Variants in ASPM observed in about 807,000 individuals in gnomAD.
ASPM encodes assembly factor for spindle microtubules.
Under a neutral mutation model 366.4 loss-of-function variants are expected in ASPM, and 256 were observed. The observed-to-expected ratio is 0.70, with a 90% CI of 0.63 to 0.77. The LOEUF (loss-of-function observed/expected upper bound fraction) is 0.77, where lower values mean the gene tolerates loss of function less well. ASPM is among the 30% of genes least tolerant of loss of function. The probability of loss-of-function intolerance (pLI) is 0.00; values close to 1 mark genes in which losing one functional copy is unlikely to be tolerated. For missense variants in ASPM, 4,146 were observed against 4,090.4 expected (o/e 1.01, Z -0.37); for synonymous variants, 1,414 against 1,342.9 (o/e 1.05, Z -1.16).
At position 197,103,436 on chromosome 1, in the gene ASPM, T is replaced by G. The variant is rs1029566211; in HGVS notation, c.5815A>C (p.Lys1939Gln). ...QNFRAWTAGR[K>Q]QCMEYIELRH... ...AGTTCAATATACTCCATACATTGCTTCCTTCCTGCAGTCCATGCTCTGAAA... is the reference window on the plus strand; with the variant it reads ...AGTTCAATATACTCCATACATTGCTGCCTTCCTGCAGTCCATGCTCTGAAA... Residue 1939 changes from lysine to glutamine, a missense_variant, in exon 18 of 28, where the codon AAG becomes CAG. Transcript: ENST00000367409. The G allele has an allele frequency of 1.9e-6, 3 of 1,613,234 alleles. No homozygotes were observed. Among genetic ancestry groups the G allele is most frequent in the Non-Finnish European group, 2.5e-6 (3 of 1,179,552 alleles).
chr1:197,140,651 A>G (rs1658552222), intron 3 of ASPM, among the ~76,000 whole-genome samples: 1 of 152,238 alleles, frequency 6.6e-6, no homozygotes, highest in African/African-American at 2.4e-5. Context: ...ACTTTGAAGC[A>G]CCTTCTATGC....
In ASPM at chr1:197,101,049, GT is replaced by G. The variant is rs1558328287; in HGVS notation, c.8201del (p.Asn2734ThrfsTer3). ...LYVRVKTERK[N>X]FLAVQKSVRT... Reference sequence around the variant, plus strand: ...GTACAGATTTCTGAACTGCTAAAAAGTTTTTTCTTTCTGTTTTTACTCTAAC... The same window carrying G: ...GTACAGATTTCTGAACTGCTAAAAAGTTTTTCTTTCTGTTTTTACTCTAAC... On this transcript the variant is annotated frameshift_variant, in exon 18 of 28. Coordinates refer to ENST00000367409, the MANE Select transcript of ASPM (RefSeq NM_018136.5). LOFTEE classifies it high-confidence loss of function. 4 of 1,611,472 alleles carry G rather than the reference GT, an allele frequency of 2.5e-6. No individual in the cohort carries two copies. Among genetic ancestry groups the G allele is most frequent in the Non-Finnish European group, 3.4e-6 (4 of 1,178,822 alleles).
At chr1:197,105,549 G>C (rs891297731) in intron 17 of ASPM, among the ~76,000 whole-genome samples, 1 of 151,508 alleles carries the variant, frequency 6.6e-6, no homozygotes, top group Non-Finnish European at 1.5e-5. Flanking sequence ...TTTATTTCTG[G>C]GCCTTATATG....
At chr1:197,105,271 T>G in intron 17 of ASPM, 86 bp from the exon 18 acceptor site, 2 of 1,049,958 alleles carry the variant, frequency 1.9e-6, no homozygotes, top group Non-Finnish European at 2.9e-6. Context: ...TTTCTAACAT[T>G]CTGCTTAAAA....
At chr1:197,092,574 A>G (rs1558323833) in intron 21 of ASPM, among the ~76,000 whole-genome samples, 2 of 151,938 alleles carry the variant, frequency 1.3e-5, no homozygotes. Flanking sequence ...TTTAACTTCA[A>G]ATCAAATTGT....
rs876660961 is a variant in ASPM at position 197,092,013 on chromosome 1, GC to G, written c.9337del (p.Ala3113GlnfsTer7). On this transcript the variant is annotated frameshift_variant, in exon 22 of 28. Transcript: ENST00000367409. LOFTEE classifies it high-confidence loss of function. ...AGCATTCAGGTGATAATATGCAGCT[GC>G]AGTGAAGTGAAGAAGTCGAATTTTG... ...RAKIRLLHFT[A>X]AAYYHLNAVR... is the part of the protein sequence containing the mutation. 6.2e-7 allele frequency: 1 copy of G among 1,612,098 alleles called. No homozygotes were observed. The highest frequency in any genetic ancestry group is 1.7e-5 in the Admixed American group (1 of 59,888).
rs1205739147 is a variant in ASPM, at chr1:197,104,694, C to T, written c.4557G>A (p.Lys1519=). 1 of 1,612,906 alleles carries T rather than the reference C, an allele frequency of 6.2e-7. No homozygotes were observed. The highest frequency in any genetic ancestry group is 1.3e-5 in the African/African-American group (1 of 74,936). ...TTCCTTTCAGATATGCTTTGTAGTA[C>T]TTCTGGATGGTTAGTATGGACTCTT... ...RRKESILTIQ[K]YYKAYLKGKI... Residue 1519 remains lysine, a synonymous_variant, in exon 18 of 28, where the codon AAG becomes AAA. Transcript: ENST00000367409.
At chr1:197,086,717 T>C in intron 27 of ASPM, 86 bp downstream of exon 27, 1 of 1,172,064 alleles carries the variant, frequency 8.5e-7, no homozygotes, top group Non-Finnish European at 1.3e-6. Context: ...AAAGCACATC[T>C]TGTTTATGGT....
intron 4 of ASPM, among the ~76,000 whole-genome samples, chr1:197,136,600 T>C (rs1281548168): frequency 6.6e-6 from 1 of 152,056 alleles, no homozygotes; most frequent in Admixed American, 6.5e-5. Context: ...TATATGTAAT[T>C]TTCATAGTAA....
Position 197,122,516 on chromosome 1 carries a change from G to A in ASPM, c.3470C>T (p.Pro1157Leu). ...AGTACGCTGACATATAGCGTCAAAT[G>A]GCACATAGCAAGGATGGTAATGGTG... ...LIHHYHPCYV[P>L]FDAICQRTTQ... Residue 1157 changes from proline (P) to leucine (L), a missense_variant, in exon 14 of 28, where the codon CCA becomes CTA. Around this residue, in one of 3 missense-constraint regions of ASPM, gnomAD observed 3,624 missense variants for 3,591.7 expected, o/e 1.01. Coordinates refer to ENST00000367409, the MANE Select transcript of ASPM (RefSeq NM_018136.5). 6.2e-7 allele frequency: 1 copy of A among 1,613,544 alleles called. No individual in the cohort carries two copies.
chr1:197,123,356 G>A (rs1295663946), intron 13 of ASPM, among the ~76,000 whole-genome samples: 1 of 152,092 alleles, frequency 6.6e-6, no homozygotes, highest in Non-Finnish European at 1.5e-5. Flanking sequence ...GAGGGCCCAG[G>A]CATTCACACA....
rs1656508564 is a variant in ASPM, at chr1:197,084,203, T to A, written c.*121A>T. 5 of 714,072 alleles carry A rather than the reference T, an allele frequency of 7.0e-6. No homozygotes were observed. Among genetic ancestry groups the A allele is most frequent in the Non-Finnish European group, 1.2e-5 (5 of 410,204 alleles). 44.2% of individuals were successfully genotyped at this position (714,072 alleles called of 1,614,324 possible). A position where few individuals can be genotyped will look rare whatever the true frequency, so the allele number is the denominator to read the frequency against. On this transcript the variant is annotated 3_prime_UTR_variant, in exon 28 of 28. Transcript: ENST00000367409. Reference sequence around the variant, plus strand: ...AATGAAGAATGTAATGAACAGTTTATGTTTTTTTAAAACAAAGTCAGATTT... The same window carrying A: ...AATGAAGAATGTAATGAACAGTTTAAGTTTTTTTAAAACAAAGTCAGATTT...
chr1:197,113,268 A>G (rs913902181), intron 17 of ASPM, among the ~76,000 whole-genome samples: 1 of 152,176 alleles, frequency 6.6e-6, no homozygotes, highest in Non-Finnish European at 1.5e-5. Flanking sequence ...ACTATGCTCA[A>G]TACCTGGGTG....
Position 197,129,931 on chromosome 1 carries a change from A to T in ASPM, c.2613T>A (p.Pro871=), listed in dbSNP as rs750200648. Residue 871 remains proline, a synonymous_variant, in exon 8 of 28, where the codon CCT becomes CCA. Coordinates refer to ENST00000367409, the MANE Select transcript of ASPM (RefSeq NM_018136.5). The part of the protein sequence containing the change: ...IAAEYRHPTV[P]HLYRDGHEEA... Reference sequence around the variant, plus strand: ...GATACTTACCATCTCTATACAGGTGAGGAACAGTGGGGTGTCTATACTCAG... The same window carrying T: ...GATACTTACCATCTCTATACAGGTGTGGAACAGTGGGGTGTCTATACTCAG... The T allele has an allele frequency of 5.0e-6, 8 of 1,613,894 alleles. 1 individual carries two copies. In the East Asian group the frequency reaches 1.1e-4, roughly 22 times the overall value.
chr1:197,102,064 C>G lies in ASPM; in HGVS notation c.7187G>C (p.Arg2396Thr). ...CAAATGTCTTCTAGTTTTCATACCC[C>G]TGAATGCAGCCTGAAGGATCACAGC... ...HSAVILQAAFRGMKTRRHLKS... is the reference protein window; with the variant it reads ...HSAVILQAAFTGMKTRRHLKS... Residue 2396 changes from arginine (R) to threonine (T), a missense_variant, in exon 18 of 28, where the codon AGG (arginine) becomes ACG (threonine). Arg to Thr is a moderately conservative substitution (Grantham distance 71). Transcript: ENST00000367409. 6.2e-7 allele frequency: 1 copy of G among 1,612,954 alleles called. No homozygotes were observed. Among genetic ancestry groups the G allele is most frequent in the Non-Finnish European group, 8.5e-7 (1 of 1,179,308 alleles).
chr1:197,128,560 T>C lies in ASPM; in HGVS notation c.2866A>G (p.Thr956Ala), dbSNP rs746109026. 1.2e-6 allele frequency: 2 copies of C among 1,613,840 alleles called. No homozygotes were observed. Among genetic ancestry groups the C allele is most frequent in the South Asian group, 2.2e-5 (2 of 91,074 alleles). The change falls in exon 10 of 28, where the codon ACA becomes GCA. Residue 956 changes from threonine (T) to alanine (A), a missense_variant. Transcript: ENST00000367409. ...LLGLPVNHVQ[T>A]PFDEFDFAVT... is the part of the protein sequence containing the mutation. ...GCAAAATCAAATTCATCAAATGGTG[T>C]CTGAACATGGTTAACAGGTAATCCC... is the stretch of plus-strand genomic sequence containing the variant.
At chr1:197,113,497 A>T (rs1233981409) in intron 17 of ASPM, among the ~76,000 whole-genome samples, 1 of 152,214 alleles carries the variant, frequency 6.6e-6, no homozygotes, top group Non-Finnish European at 1.5e-5. Flanking sequence ...CCTCTAAAAC[A>T]AATCATCTAA....
chr1:197,102,333 T>TC lies in ASPM; in HGVS notation c.6917_6918insG (p.Gln2307ThrfsTer11). 6.2e-7 allele frequency: 1 copy of TC among 1,612,656 alleles called. No homozygotes were observed. The highest frequency in any genetic ancestry group is 8.5e-7 in the Non-Finnish European group (1 of 1,179,156). On this transcript the variant is annotated frameshift_variant, in exon 18 of 28. Coordinates refer to ENST00000367409, the MANE Select transcript of ASPM (RefSeq NM_018136.5). LOFTEE classifies it high-confidence loss of function. Reference sequence around the variant, plus strand: ...CTGCATTTTGTACCTGAAGGAACTGTAAGTGATGCTTTGTACAAAGATGTG... The same window carrying TC: ...CTGCATTTTGTACCTGAAGGAACTGTCAAGTGATGCTTTGTACAAAGATGTG...
chr1:197,085,365 G>A (rs1466243925), intron 27 of ASPM, among the ~76,000 whole-genome samples: 1 of 152,062 alleles, frequency 6.6e-6, no homozygotes, highest in Non-Finnish European at 1.5e-5. Context: ...TACCCTCTGA[G>A]CTGCTTCTGA....
Sources: allele counts gnomAD v4.1 joint callset (sites outside exome capture counted in the v4.1 genomes callset), GRCh38; gene constraint gnomAD v4.1.1; regional missense constraint gnomAD v4.1.1; transcripts MANE v1.5; gene names NCBI Gene and HGNC (gene_info 2026-07-23, HGNC 2026-07-21).